SASH1: variants seen among roughly 807,000 people sequenced by gnomAD.
SASH1 encodes SAM and SH3 domain containing 1.
A neutral mutation model predicts 125.2 loss-of-function variants in SASH1; 44 were observed. The observed-to-expected ratio is 0.35, with a 90% CI of 0.28 to 0.45. The LOEUF is 0.45. Among genes scored for constraint, SASH1 ranks in the 20% least tolerant of loss-of-function variants. SASH1 has a pLI of 1.00. For missense variants in SASH1, 1,426 were observed against 1,614.5 expected, an observed-to-expected ratio of 0.88 and a Z score of 2.00; for synonymous variants, 639 against 649.1, an observed-to-expected ratio of 0.98 and a Z score of 0.24.
upstream of SASH1, among the ~76,000 whole-genome samples, chr6:148,270,382 ATTT>A (rs34472832): frequency 1.3e-5 from 2 of 151,836 alleles, no homozygotes; most frequent in African/African-American, 2.4e-5. Flanking sequence ...ATATTTTAAA[ATTT>A]TTTTTTGTAT....
the SASH1 span, among the ~76,000 whole-genome samples, chr6:148,232,724 G>C: frequency 3.9e-5 from 6 of 152,146 alleles, no homozygotes; most frequent in Admixed American, 2.0e-4. Flanking sequence ...TTGGCACTTA[G>C]CTTTTCATCC....
At chr6:148,531,445 T>TGAAG in intron 12 of SASH1, 81 bp from the exon 13 acceptor site, 3 of 1,276,134 alleles carry the variant, frequency 2.4e-6, no homozygotes, top group Non-Finnish European at 3.1e-6. Flanking sequence ...TTGATTTCGT[T>TGAAG]GAAGGCCAAG....
the SASH1 span, among the ~76,000 whole-genome samples, chr6:148,208,552 A>G: frequency 1.3e-5 from 2 of 152,218 alleles, no homozygotes; most frequent in Non-Finnish European, 2.9e-5. Flanking sequence ...AGCAGCTGAC[A>G]TCATTATTAT....
At chr6:148,235,642 A>G in the SASH1 span, among the ~76,000 whole-genome samples, 17 of 152,210 alleles carry the variant, frequency 1.1e-4, no homozygotes, top group Non-Finnish European at 2.4e-4. Flanking sequence ...TCAAACCTAC[A>G]GCTCCTTGTA....
At chr6:148,423,908 C>T (rs1034710761) in intron 2 of SASH1, among the ~76,000 whole-genome samples, 37 of 151,626 alleles carry the variant, frequency 2.4e-4, no homozygotes, top group Non-Finnish European at 2.6e-4. Context: ...CTCATGTAAA[C>T]GATAAATTAT....
At chr6:148,496,177 A>G (rs1779304281) in intron 8 of SASH1, among the ~76,000 whole-genome samples, 1 of 152,160 alleles carries the variant, frequency 6.6e-6, no homozygotes, top group South Asian at 2.1e-4. Context: ...TATAAAAATA[A>G]CTTTCATTTC....
chr6:148,468,605 GT>G lies in SASH1; in HGVS notation c.427+23del. On this transcript the variant is annotated intron_variant, in intron 5 of 19. Coordinates refer to ENST00000367467, the MANE Select transcript of SASH1 (RefSeq NM_015278.5). Reference sequence around the variant, plus strand: ...CTGTAGGTCAGTACCACTTTTCTTGGTTTACCTATTTAATTATTTCAATACT... The same window carrying G: ...CTGTAGGTCAGTACCACTTTTCTTGGTTACCTATTTAATTATTTCAATACT... The G allele has an allele frequency of 6.5e-7, 1 of 1,531,412 alleles. No homozygotes were observed. The highest frequency in any genetic ancestry group is 9.0e-7 in the Non-Finnish European group (1 of 1,114,804). The allele number at this position is 1,531,412 out of a possible 1,614,324, so 94.9% of individuals were successfully genotyped here.
intron 2 of SASH1, among the ~76,000 whole-genome samples, chr6:148,436,939 G>A (rs1398641545): frequency 2.0e-5 from 3 of 152,204 alleles, no homozygotes; most frequent in East Asian, 3.8e-4. Flanking sequence ...TGTACAACAT[G>A]CCCAAAAGTT....
intron 1 of SASH1, among the ~76,000 whole-genome samples, chr6:148,347,013 A>T (rs1781544760): frequency 6.6e-6 from 1 of 152,162 alleles, no homozygotes; most frequent in African/African-American, 2.4e-5. Context: ...TTTACTCCAT[A>T]GTTGGCAGAC....
chr6:148,499,701 GCA>G (rs1221918707), intron 8 of SASH1, among the ~76,000 whole-genome samples: 1 of 152,108 alleles, frequency 6.6e-6, no homozygotes, highest in Admixed American at 6.5e-5. Flanking sequence ...GTCAGGAGAG[GCA>G]GCAGCAAAGT....
At chr6:148,465,741 A>T (rs193131750) in intron 4 of SASH1, among the ~76,000 whole-genome samples, 139 of 152,214 alleles carry the variant, frequency 9.1e-4, no homozygotes, top group African/African-American at 2.8e-3. Context: ...AAGATTTTTT[A>T]AAAAAATTAA....
In SASH1 at chr6:148,330,176, G is replaced by A. The variant is rs556503166; in HGVS notation, n.74+57799G>A. The stretch of plus-strand genomic sequence containing the variant: ...CACTGCCTTTTTTAAAAATACTCAT[G>A]CAAATGTCATTAATCATACGTGTGG... On this transcript the variant is annotated intron_variant and non_coding_transcript_variant, in intron 1 of 3. Transcript: ENST00000367469. 3.3e-5 allele frequency among the ~76,000 whole-genome samples: 5 copies of A among 152,292 alleles called. No individual in the cohort carries two copies. In the East Asian group the frequency reaches 9.6e-4, roughly 29 times the overall value.
intron 1 of SASH1, among the ~76,000 whole-genome samples, chr6:148,383,285 G>A (rs1322037660): frequency 6.6e-6 from 1 of 152,080 alleles, no homozygotes; most frequent in East Asian, 1.9e-4. Flanking sequence ...AATCAGTTAG[G>A]TTTCATTGTA....
At chr6:148,222,065 G>C in the SASH1 span, among the ~76,000 whole-genome samples, 2 of 152,110 alleles carry the variant, frequency 1.3e-5, no homozygotes, top group African/African-American at 4.8e-5. Flanking sequence ...AAAGCAAGGT[G>C]AACTTCTTCT....
chr6:148,440,616 A>T (rs1776505012), intron 4 of SASH1: 1 of 575,756 alleles, frequency 1.7e-6, no homozygotes, highest in African/African-American at 1.9e-5. Context: ...GATTTTGTGA[A>T]GAGTTACTGA....
At chr6:148,525,114 A>G (rs973693497) in intron 10 of SASH1, 177 bp from the exon 11 acceptor site, 1 of 587,594 alleles carries the variant, frequency 1.7e-6, no homozygotes, top group African/African-American at 1.9e-5. Context: ...AAATGAGTGA[A>G]GTTTCCTTAC....
chr6:148,364,770 G>A (rs113269431), intron 1 of SASH1, among the ~76,000 whole-genome samples: 5 of 152,142 alleles, frequency 3.3e-5, no homozygotes, highest in African/African-American at 1.2e-4. Flanking sequence ...TAGTACAAAT[G>A]AAGCATGGAG....
rs150038423 is a variant in SASH1, at chr6:148,469,824, G to A, written c.427+1239G>A. On this transcript the variant is annotated intron_variant, in intron 5 of 19. Coordinates refer to ENST00000367467, the MANE Select transcript of SASH1 (RefSeq NM_015278.5). ...GGGTGGATGACGAGATCAGGAGTTCGAGACCAGCCTGGCCAATATGTCGAA... is the reference window on the plus strand; with the variant it reads ...GGGTGGATGACGAGATCAGGAGTTCAAGACCAGCCTGGCCAATATGTCGAA... Among the ~76,000 whole-genome samples, 501 of 152,090 alleles carry A rather than the reference G, an allele frequency of 3.3e-3. 3 individuals are homozygous for A. The highest frequency in any genetic ancestry group is 0.011 in the African/African-American group (461 of 41,484).
At chr6:148,271,921 G>C (rs143783454), upstream of SASH1, among the ~76,000 whole-genome samples, 1 of 152,306 alleles carries the variant, frequency 6.6e-6, no homozygotes, top group Non-Finnish European at 1.5e-5. Flanking sequence ...ACCGTGCTGA[G>C]AGTTTTGTAG....
Sources: allele counts gnomAD v4.1 joint callset (sites outside exome capture counted in the v4.1 genomes callset), GRCh38; gene constraint gnomAD v4.1.1; transcripts MANE v1.5; gene names NCBI Gene and HGNC (gene_info 2026-07-23, HGNC 2026-07-21).